Variants in NKAP observed in about 807,000 individuals in gnomAD.
NKAP encodes NF-kappa-B-activating protein.
Under a neutral mutation model 35.6 loss-of-function variants are expected in NKAP, and 4 were observed. The observed-to-expected ratio is 0.11, with a 90% CI of 0.06 to 0.26. The LOEUF is 0.26. Ranked by LOEUF, NKAP falls within the 10% of genes least tolerant of loss-of-function variation. The probability of loss-of-function intolerance (pLI) is 1.00; values close to 1 mark genes in which losing one functional copy is unlikely to be tolerated. For synonymous variants in NKAP, 106 were observed against 119.2 expected (o/e 0.89, Z 0.72); for missense variants, 238 against 321.9 (o/e 0.74, Z 1.99).
At chrX:119,936,788 C>A in intron 2 of NKAP, 106 bp from the exon 3 acceptor site, 1 of 574,570 alleles carries the variant, frequency 1.7e-6, no homozygotes, top group South Asian at 2.8e-5. Context: ...ATCGATTGTC[C>A]AAGAACCATT....
chrX:119,936,327 T>G lies in NKAP; in HGVS notation c.643A>C (p.Ser215Arg), dbSNP rs2056765794. Reference sequence around the variant, plus strand: ...GAGTCTGTTTCAGAATCAGAGTCACTGTCGCTATCTTCAGAATACTTCTTA... The same window carrying G: ...GAGTCTGTTTCAGAATCAGAGTCACGGTCGCTATCTTCAGAATACTTCTTA... ...KHKKYSEDSD[S>R]DSDSETDSSD... The change falls in exon 4 of 9, where the codon AGT becomes CGT. Residue 215 changes from serine to arginine, a missense_variant. By Grantham distance (110) the Ser-to-Arg change is moderately radical. Transcript: ENST00000371410. The G allele has an allele frequency of 1.7e-6, 2 of 1,204,198 alleles. No individual in the cohort carries two copies. The highest frequency in any genetic ancestry group is 2.2e-6 in the Non-Finnish European group (2 of 892,184).
chrX:119,934,455 A>AAAAT, intron 5 of NKAP, 39 bp downstream of exon 5: 2 of 775,066 alleles, frequency 2.6e-6, no homozygotes, highest in Non-Finnish European at 3.5e-6. Flanking sequence ...AAAAAAAAAA[A>AAAAT]GAAAAGAAAT....
intron 5 of NKAP, among the ~76,000 whole-genome samples, chrX:119,932,918 G>A (rs1295405836): frequency 1.8e-5 from 2 of 110,111 alleles, no homozygotes; most frequent in Non-Finnish European, 3.8e-5. Flanking sequence ...GGAAGGTTGA[G>A]GTTGTAGTGA....
intron 8 of NKAP, 75 bp downstream of exon 8, chrX:119,929,941 C>T: frequency 9.8e-7 from 1 of 1,020,950 alleles, no homozygotes; most frequent in Non-Finnish European, 1.3e-6. Flanking sequence ...AATCAATTAC[C>T]AAAATATAAT....
At position 119,943,246 on chromosome X, in the gene NKAP, C is replaced by T. The variant is rs1364440505; in HGVS notation, c.360G>A (p.Lys120=). ...SDKPWPSLLD[K]EREESLRQKR... ...TCTGCCGCAGGCTCTCCTCCCTCTC[C>T]TTGTCGAGGAGGCTAGGCCAAGGCT... Residue 120 remains lysine (K), a synonymous_variant, in exon 1 of 9, where the codon AAG becomes AAA. Transcript: ENST00000371410. The T allele has an allele frequency of 5.0e-6, 6 of 1,197,276 alleles. No individual in the cohort carries two copies. Among genetic ancestry groups the T allele is most frequent in the Non-Finnish European group, 5.6e-6 (5 of 886,939 alleles).
chrX:119,928,589 G>C (rs908010950), intron 8 of NKAP, among the ~76,000 whole-genome samples: 5 of 111,564 alleles, frequency 4.5e-5, no homozygotes, highest in Non-Finnish European at 7.5e-5. Context: ...TTAAGACGGA[G>C]TTTCACTCTT....
chrX:119,932,522 G>C (rs2056746892), intron 5 of NKAP: 1 of 155,439 alleles, frequency 6.4e-6, no homozygotes, highest in Non-Finnish European at 1.2e-5. Context: ...AGGAGGCTGA[G>C]GCGGGAGGAT....
intron 7 of NKAP, 78 bp from the exon 8 acceptor site, chrX:119,930,243 CA>C: frequency 3.1e-6 from 3 of 958,752 alleles, no homozygotes; most frequent in Non-Finnish European, 1.4e-6. Context: ...AAGAGAGCAC[CA>C]AAAATCCCCA....
At chrX:119,931,650 G>C (rs113895429) in intron 7 of NKAP, among the ~76,000 whole-genome samples, 33 of 111,948 alleles carry the variant, frequency 2.9e-4, no homozygotes, top group African/African-American at 1.0e-3. Flanking sequence ...ATCTCCTTTT[G>C]AAAAGGGCTT....
rs781394868 is a variant in NKAP at position 119,932,170 on chromosome X, T to C, written c.784A>G (p.Ser262Gly). The change falls in exon 6 of 9, where the codon AGT becomes GGT. Residue 262 changes from serine (S) to glycine (G), a missense_variant. Ser to Gly is a moderately conservative substitution (Grantham distance 56). Transcript: ENST00000371410. ...TGGGATTCTTTAGAGCTTGAATCACTGGACTCTTTTCTGCTCTTCTTAGAC... is the reference window on the plus strand; with the variant it reads ...TGGGATTCTTTAGAGCTTGAATCACCGGACTCTTTTCTGCTCTTCTTAGAC... The part of the protein sequence containing the change: ...KRSKKSRKES[S>G]DSSSKESQEE... The C allele has an allele frequency of 8.3e-7, 1 of 1,208,932 alleles. No individual in the cohort carries two copies. Among genetic ancestry groups the C allele is most frequent in the Non-Finnish European group, 1.1e-6 (1 of 893,649 alleles).
At chrX:119,930,839 C>CA (rs10707773) in intron 7 of NKAP, among the ~76,000 whole-genome samples, 72 of 97,359 alleles carry the variant, frequency 7.4e-4, no homozygotes, top group African/African-American at 9.1e-4. Flanking sequence ...CAAAACAAAA[C>CA]AAAAAAAAAA....
chrX:119,934,590 A>C (rs773737655), intron 4 of NKAP, 33 bp from the exon 5 acceptor site: 3 of 1,043,902 alleles, frequency 2.9e-6, no homozygotes, highest in South Asian at 4.5e-5. Flanking sequence ...ATTAAGAAAA[A>C]AATTTTTTAA....
Position 119,943,668 on chromosome X carries a change from T to C in NKAP, c.-63A>G. On this transcript the variant is annotated 5_prime_UTR_variant, in exon 1 of 9. Coordinates refer to ENST00000371410, the MANE Select transcript of NKAP (RefSeq NM_024528.4). ...GCGCTCTCGCGAGCCTAGGAAGATGTCTGTTGCCTTGGTTCCCGGGACCTG... is the reference window on the plus strand; with the variant it reads ...GCGCTCTCGCGAGCCTAGGAAGATGCCTGTTGCCTTGGTTCCCGGGACCTG... 9.0e-7 allele frequency: 1 copy of C among 1,105,598 alleles called. No individual in the cohort carries two copies. The highest frequency in any genetic ancestry group is 3.1e-5 in the East Asian group (1 of 32,585). The allele number at this position is 1,105,598 out of a possible 1,213,427, so 91.1% of individuals were successfully genotyped here.
At chrX:119,941,820 G>A (rs1372335045) in intron 1 of NKAP, among the ~76,000 whole-genome samples, 2 of 110,959 alleles carry the variant, frequency 1.8e-5, no homozygotes, top group Non-Finnish European at 3.8e-5. Context: ...GTAGAGACAG[G>A]GTATCCCTAT....
At chrX:119,934,451 A>G (rs1484220850) in intron 5 of NKAP, 43 bp downstream of exon 5, 3 of 802,014 alleles carry the variant, frequency 3.7e-6, no homozygotes, top group East Asian at 3.9e-5. Context: ...AAAAAAAAAA[A>G]AAAAGAAAAG....
chrX:119,926,317 A>T (rs1359128220), intron 8 of NKAP, among the ~76,000 whole-genome samples: 1 of 109,838 alleles, frequency 9.1e-6, no homozygotes, highest in Non-Finnish European at 1.9e-5. Context: ...CCAAGGCTGG[A>T]GTGCAGTGGC....
chrX:119,935,620 T>C (rs2056762728), intron 4 of NKAP, among the ~76,000 whole-genome samples: 1 of 111,610 alleles, frequency 9.0e-6, no homozygotes. Flanking sequence ...GAAAGTTCTG[T>C]CTTCGAGCAC....
At position 119,922,928 on chromosome X, in the gene NKAP, C is replaced by T. The variant is rs1267871790; in HGVS notation, c.*2292G>A. 1 of 110,521 alleles carries T rather than the reference C, an allele frequency of 9.0e-6. No individual in the cohort carries two copies. The allele number at this position is 110,521 out of a possible 1,213,427, so 9.1% of individuals were successfully genotyped here. On this transcript the variant is annotated 3_prime_UTR_variant, in exon 9 of 9. Coordinates refer to ENST00000371410, the MANE Select transcript of NKAP (RefSeq NM_024528.4). ...GCAGATCAAATAACCTTAACAAAAA[C>T]GGCCAGGCACGGTTGCTCACACCTG... is the stretch of plus-strand genomic sequence containing the variant.
At chrX:119,935,755 C>T (rs2056763311) in intron 4 of NKAP, among the ~76,000 whole-genome samples, 1 of 111,270 alleles carries the variant, frequency 9.0e-6, no homozygotes, top group Non-Finnish European at 1.9e-5. Context: ...GGAGAGAGTA[C>T]AAAAAGGAGA....
Sources: allele counts gnomAD v4.1 joint callset (sites outside exome capture counted in the v4.1 genomes callset), GRCh38; gene constraint gnomAD v4.1.1; transcripts MANE v1.5; gene names NCBI Gene and HGNC (gene_info 2026-07-23, HGNC 2026-07-21).